Variants in AAK1 observed in about 807,000 individuals in gnomAD.
AAK1 encodes AP2-associated protein kinase 1.
A neutral mutation model predicts 116.0 loss-of-function variants in AAK1; 37 were observed. The ratio of observed to expected loss-of-function variants is 0.32; its 90% CI spans 0.25 to 0.42. AAK1 has a LOEUF of 0.42. Among genes scored for constraint, AAK1 ranks in the 10% least tolerant of loss-of-function variants. AAK1 has a pLI of 1.00. For missense variants in AAK1, 919 were observed against 1,170.6 expected, an observed-to-expected ratio of 0.79 and a Z score of 3.14; for synonymous variants, 458 against 439.9, an observed-to-expected ratio of 1.04 and a Z score of -0.51.
chr2:69,561,486 T>C (rs555217833), intron 2 of AAK1, among the ~76,000 whole-genome samples: 2 of 152,362 alleles, frequency 1.3e-5, no homozygotes, highest in African/African-American at 4.8e-5. Context: ...TCATATTCAT[T>C]TTCCCAACAG....
chr2:69,558,979 A>C (rs1467812153), intron 2 of AAK1, among the ~76,000 whole-genome samples: 1 of 152,222 alleles, frequency 6.6e-6, no homozygotes, highest in East Asian at 1.9e-4. Flanking sequence ...AAGAGCCTTT[A>C]TCATAAAGCA....
At chr2:69,616,543 G>A (rs1042009778) in intron 2 of AAK1, among the ~76,000 whole-genome samples, 7 of 152,136 alleles carry the variant, frequency 4.6e-5, no homozygotes, top group South Asian at 2.1e-4. Flanking sequence ...TCTCAACCTG[G>A]ACGCTCATGA....
intron 2 of AAK1, among the ~76,000 whole-genome samples, chr2:69,639,728 A>G (rs1003876466): frequency 3.3e-5 from 5 of 151,974 alleles, no homozygotes; most frequent in Non-Finnish European, 7.4e-5. Context: ...AGCCTCTCAC[A>G]CCACTCCTCC....
chr2:69,557,096 A>C (rs1469156358), intron 2 of AAK1, 118 bp from the exon 3 acceptor site: 4 of 710,060 alleles, frequency 5.6e-6, no homozygotes, highest in Non-Finnish European at 1.0e-5. Context: ...ACTGCCAGCC[A>C]GCCTTTAGGG....
chr2:69,610,011 A>G (rs183589115), intron 2 of AAK1, among the ~76,000 whole-genome samples: 4 of 144,974 alleles, frequency 2.8e-5, no homozygotes, highest in Admixed American at 1.4e-4. Context: ...AGATCACACC[A>G]CTGCACTCCA....
chr2:69,575,380 ATCTC>A (rs1230272984), intron 2 of AAK1, among the ~76,000 whole-genome samples: 3 of 152,260 alleles, frequency 2.0e-5, no homozygotes, highest in Admixed American at 2.0e-4. Context: ...GTGCCAAAAA[ATCTC>A]AGTAGTCCAG....
intron 2 of AAK1, among the ~76,000 whole-genome samples, chr2:69,628,832 C>T (rs998647776): frequency 2.6e-5 from 4 of 152,160 alleles, no homozygotes; most frequent in Non-Finnish European, 4.4e-5. Context: ...GAGCTCACAG[C>T]AAACCACCAC....
At position 69,465,509 on chromosome 2, in the gene AAK1, GGAT is replaced by G; in HGVS notation, c.*10357_*10359del. ...GCAGCTCCGTAGTCCTGGAGGAAAG[GGAT>G]GTGATAGAAACAGACCCAGCTATCG... On this transcript the variant is annotated 3_prime_UTR_variant, in exon 22 of 22. Transcript: ENST00000409085. The G allele has an allele frequency of 7.7e-7, 1 of 1,290,914 alleles. No homozygotes were observed. Among genetic ancestry groups the G allele is most frequent in the Middle Eastern group, 2.1e-4 (1 of 4,696 alleles). The allele number at this position is 1,290,914 out of a possible 1,614,324, so 80.0% of individuals were successfully genotyped here.
intron 16 of AAK1, among the ~76,000 whole-genome samples, chr2:69,505,125 GCACACACACC>G (rs1676131697): frequency 9.3e-6 from 1 of 108,040 alleles, no homozygotes; most frequent in African/African-American, 4.0e-5. Context: ...GTGCGTGTGC[GCACACACACC>G]CACACACACA....
rs555579366 is a variant in AAK1 at position 69,517,457 on chromosome 2, CT to C, written c.1497+1496del. ...ACAACACCTCAATACACCGATTGATCTTTTTTTCTTCCTTTTTTTAAAAATA... is the reference window on the plus strand; with the variant it reads ...ACAACACCTCAATACACCGATTGATCTTTTTTCTTCCTTTTTTTAAAAATA... On this transcript the variant is annotated intron_variant, in intron 12 of 21. Coordinates refer to ENST00000409085, the MANE Select transcript of AAK1 (RefSeq NM_014911.5). Among the ~76,000 whole-genome samples the C allele has an allele frequency of 2.2e-3, 332 of 150,516 alleles. 2 individuals are homozygous for C. The highest frequency in any genetic ancestry group is 7.6e-3 in the African/African-American group (313 of 41,374).
In AAK1 at chr2:69,465,353, C is replaced by G; in HGVS notation, c.*10516G>C. ...CTGATAATATTTCTTCTTCAGAAGG[C>G]TAAGCTGGGAGTGCCATGGCGGGTA... On this transcript the variant is annotated 3_prime_UTR_variant, in exon 22 of 22. Coordinates refer to ENST00000409085, the MANE Select transcript of AAK1 (RefSeq NM_014911.5). The G allele has an allele frequency of 1.7e-6, 2 of 1,169,154 alleles. No individual in the cohort carries two copies. The highest frequency in any genetic ancestry group is 6.9e-5 in the Admixed American group (2 of 29,136). The allele number at this position is 1,169,154 out of a possible 1,614,324, so 72.4% of individuals were successfully genotyped here.
chr2:69,465,263 T>C lies in AAK1; in HGVS notation c.*10606A>G. ...AACTTAAAGGGGCTTCAACTAAATA[T>C]CACTGCAACTGAGTTTGTTGACTCA... On this transcript the variant is annotated 3_prime_UTR_variant, in exon 22 of 22. Coordinates refer to ENST00000409085, the MANE Select transcript of AAK1 (RefSeq NM_014911.5). The C allele has an allele frequency of 2.0e-6, 1 of 508,596 alleles. No individual in the cohort carries two copies. The highest frequency in any genetic ancestry group is 3.0e-6 in the Non-Finnish European group (1 of 327,984). The allele number at this position is 508,596 out of a possible 1,614,324, so 31.5% of individuals were successfully genotyped here.
At chr2:69,572,118 G>C (rs1037615152) in intron 2 of AAK1, among the ~76,000 whole-genome samples, 1 of 152,152 alleles carries the variant, frequency 6.6e-6, no homozygotes, top group African/African-American at 2.4e-5. Flanking sequence ...AATTACATCA[G>C]GGGAAAACTT....
chr2:69,578,872 C>T (rs1159454361), intron 2 of AAK1, among the ~76,000 whole-genome samples: 1 of 150,568 alleles, frequency 6.6e-6, no homozygotes, highest in African/African-American at 2.5e-5. Context: ...GGCGCGGTCT[C>T]GGCTCACTGC....
intron 12 of AAK1, 84 bp downstream of exon 12, chr2:69,518,870 T>G: frequency 6.9e-7 from 1 of 1,452,462 alleles, no homozygotes; most frequent in Non-Finnish European, 9.1e-7. Context: ...TTAATGGCTC[T>G]CTGGGAAGAC....
intron 2 of AAK1, among the ~76,000 whole-genome samples, chr2:69,587,337 G>A (rs191201431): frequency 1.8e-4 from 27 of 149,266 alleles, no homozygotes; most frequent in South Asian, 1.7e-3. Context: ...ACACATATGC[G>A]TGCACACACA....
At chr2:69,496,142 C>T (rs1675731804) in intron 16 of AAK1, 62 bp from the exon 17 acceptor site, 1 of 1,185,056 alleles carries the variant, frequency 8.4e-7, no homozygotes, top group African/African-American at 1.5e-5. Context: ...AGCAATAACA[C>T]CAAGTAAATC....
chr2:69,539,760 CT>C (rs1218326708), intron 5 of AAK1, among the ~76,000 whole-genome samples: 2 of 152,200 alleles, frequency 1.3e-5, no homozygotes, highest in Non-Finnish European at 2.9e-5. Flanking sequence ...AGGGAGCCCT[CT>C]GGCTCTACTC....
At chr2:69,608,636 T>C (rs1558999506) in intron 2 of AAK1, among the ~76,000 whole-genome samples, 6 of 152,082 alleles carry the variant, frequency 3.9e-5, no homozygotes, top group African/African-American at 7.2e-5. Flanking sequence ...TACAATCAAA[T>C]TGGAAAAGCG....
Sources: gnomAD v4.1 joint callset for allele counts (sites outside exome capture counted in the v4.1 genomes callset) on GRCh38, gnomAD v4.1.1 for gene constraint, MANE v1.5 for transcripts, NCBI Gene and HGNC (gene_info 2026-07-23, HGNC 2026-07-21) for gene names.